Variants in SPTLC3 observed in about 807,000 individuals in gnomAD.
SPTLC3 encodes the protein serine palmitoyltransferase 3.
A neutral mutation model predicts 59.3 loss-of-function variants in SPTLC3; 36 were observed. The observed-to-expected ratio is 0.61, with a 90% confidence interval of 0.47 to 0.80. The LOEUF (loss-of-function observed/expected upper bound fraction) is 0.80. Ranked by LOEUF, SPTLC3 falls within the 30% of genes least tolerant of loss-of-function variation. SPTLC3 has a pLI of 0.00. For synonymous variants in SPTLC3, 257 were observed against 240.8 expected, an observed-to-expected ratio of 1.07 and a Z score of -0.62; for missense variants, 625 against 685.1, an observed-to-expected ratio of 0.91 and a Z score of 0.98.
chr20:13,103,485 T>C (rs755593444), intron 6 of SPTLC3, among the ~76,000 whole-genome samples: 12 of 152,186 alleles, frequency 7.9e-5, no homozygotes, highest in Admixed American at 2.0e-4. Flanking sequence ...TCCATCCATC[T>C]TTTCATTTAC....
At chr20:13,123,658 CT>C (rs1323155925) in intron 8 of SPTLC3, among the ~76,000 whole-genome samples, 3 of 152,198 alleles carry the variant, frequency 2.0e-5, no homozygotes, top group Non-Finnish European at 4.4e-5. Flanking sequence ...TTCTCCCTCT[CT>C]TCCCAATTGA....
At chr20:13,094,866 CAGACTT>C (rs1398909033) in intron 6 of SPTLC3, among the ~76,000 whole-genome samples, 2 of 152,166 alleles carry the variant, frequency 1.3e-5, no homozygotes, top group Non-Finnish European at 2.9e-5. Flanking sequence ...ATGGCCCCCT[CAGACTT>C]ATAGGGTGGC....
chr20:13,070,767 GA>G (rs1988406203), intron 2 of SPTLC3, among the ~76,000 whole-genome samples: 1 of 152,192 alleles, frequency 6.6e-6, no homozygotes, highest in African/African-American at 2.4e-5. Flanking sequence ...GAGGTAACCA[GA>G]AGCTATATGA....
At chr20:13,133,777 G>A (rs2038180916) in intron 9 of SPTLC3, among the ~76,000 whole-genome samples, 1 of 152,066 alleles carries the variant, frequency 6.6e-6, no homozygotes, top group Non-Finnish European at 1.5e-5. Context: ...TTACGTACAG[G>A]GATGGTCCAG....
chr20:13,164,058 C>T (rs1373979544), intron 11 of SPTLC3, among the ~76,000 whole-genome samples: 2 of 152,126 alleles, frequency 1.3e-5, no homozygotes, highest in Non-Finnish European at 2.9e-5. Flanking sequence ...TCCCCACTCC[C>T]CCCATCCCAC....
At chr20:13,022,489 G>A (rs914396437) in intron 1 of SPTLC3, among the ~76,000 whole-genome samples, 3 of 152,182 alleles carry the variant, frequency 2.0e-5, no homozygotes, top group Non-Finnish European at 2.9e-5. Flanking sequence ...CTGCTCCATG[G>A]TGTCTAGGGT....
chr20:13,129,564 A>T (rs1024333834), intron 9 of SPTLC3, among the ~76,000 whole-genome samples: 1 of 152,232 alleles, frequency 6.6e-6, no homozygotes, highest in African/African-American at 2.4e-5. Flanking sequence ...ACTAGGAAAA[A>T]GTTATTCTAG....
rs569419815 is a variant in SPTLC3 at position 13,129,672 on chromosome 20, C to T, written c.1279+2955C>T. Among the ~76,000 whole-genome samples the T allele has an allele frequency of 5.6e-4, 85 of 152,312 alleles. 1 individual carries two copies. Among genetic ancestry groups the T allele is most frequent in the African/African-American group, 2.0e-3 (82 of 41,574 alleles). ...GTTGCTTTACATGTATGCAACTTTG[C>T]AATCATGTCCTTCCCTCCTCCGATT... On this transcript the variant is annotated intron_variant, in intron 9 of 11. Coordinates refer to ENST00000399002, the MANE Select transcript of SPTLC3 (RefSeq NM_018327.4).
At position 13,093,533 on chromosome 20, in the gene SPTLC3, G is replaced by C. The variant is rs1406165687; in HGVS notation, c.782G>C (p.Gly261Ala). Residue 261 changes from glycine (G) to alanine (A), a missense_variant, in exon 6 of 12, where the codon GGG (glycine) becomes GCG (alanine). By Grantham distance (60) the Gly-to-Ala change is moderately conservative. Transcript: ENST00000399002. ...DELNHTSLVL[G>A]ARLSGATIRI... ...TTAAACCACACATCGCTTGTGCTTG[G>C]GGCCCGACTCTCAGGTGCAACCATA... 5 of 1,613,388 alleles carry C rather than the reference G, an allele frequency of 3.1e-6. No individual in the cohort carries two copies. The highest frequency in any genetic ancestry group is 1.7e-5 in the Admixed American group (1 of 59,958).
rs1390909822 is a variant in SPTLC3 at position 13,080,455 on chromosome 20, C to A, written c.607+5958C>A. Among the ~76,000 whole-genome samples the A allele has an allele frequency of 9.5e-5, 14 of 147,984 alleles. No homozygotes were observed. The South Asian group carries it at 3.0e-3, about 32-fold the overall frequency. On this transcript the variant is annotated intron_variant, in intron 4 of 11. Coordinates refer to ENST00000399002, the MANE Select transcript of SPTLC3 (RefSeq NM_018327.4). ...CCCGGGAGTCAGAGGTTGCAGTGAGCCGAGATTGCGCCACTGTACTCCAGC... is the reference window on the plus strand; with the variant it reads ...CCCGGGAGTCAGAGGTTGCAGTGAGACGAGATTGCGCCACTGTACTCCAGC...
chr20:13,051,369 T>C (rs997472140), intron 2 of SPTLC3, among the ~76,000 whole-genome samples: 11 of 152,220 alleles, frequency 7.2e-5, no homozygotes, highest in African/African-American at 2.7e-4. Flanking sequence ...TAAAAGGCCT[T>C]GTCCAACAGG....
At chr20:13,059,482 G>T (rs1182830458) in intron 2 of SPTLC3, among the ~76,000 whole-genome samples, 1 of 152,172 alleles carries the variant, frequency 6.6e-6, no homozygotes, top group East Asian at 1.9e-4. Context: ...GGTGCAGGCA[G>T]CGCCATCCCT....
intron 6 of SPTLC3, among the ~76,000 whole-genome samples, chr20:13,099,276 A>C (rs1372066738): frequency 6.6e-6 from 1 of 152,330 alleles, no homozygotes; most frequent in South Asian, 2.1e-4. Flanking sequence ...TAAGGAATGC[A>C]GGAAGCATTT....
At chr20:13,086,985 G>A (rs1989025102) in intron 4 of SPTLC3, among the ~76,000 whole-genome samples, 1 of 151,882 alleles carries the variant, frequency 6.6e-6, no homozygotes, top group South Asian at 2.1e-4. Context: ...TTTAGAGATG[G>A]GGTTCTCACT....
chr20:13,145,769 A>G (rs1306856669), intron 9 of SPTLC3, among the ~76,000 whole-genome samples: 2 of 152,228 alleles, frequency 1.3e-5, no homozygotes, highest in Non-Finnish European at 2.9e-5. Context: ...CCAAAACAGC[A>G]TGATACTGGT....
At chr20:13,084,308 G>A (rs1383583869) in intron 4 of SPTLC3, among the ~76,000 whole-genome samples, 1 of 152,148 alleles carries the variant, frequency 6.6e-6, no homozygotes, top group Non-Finnish European at 1.5e-5. Context: ...ATTGTCCTAT[G>A]ATGTTTATAA....
chr20:13,044,725 A>G (rs944062779), intron 1 of SPTLC3, among the ~76,000 whole-genome samples: 4 of 152,182 alleles, frequency 2.6e-5, no homozygotes, highest in Admixed American at 6.5e-5. Flanking sequence ...TTAATTTTCA[A>G]AAGTGACCTT....
intron 1 of SPTLC3, among the ~76,000 whole-genome samples, chr20:13,027,851 A>G (rs954281591): frequency 3.3e-5 from 5 of 152,204 alleles, no homozygotes; most frequent in Non-Finnish European, 5.9e-5. Flanking sequence ...CATATCAGAT[A>G]GCAAAATTTT....
intron 11 of SPTLC3, among the ~76,000 whole-genome samples, chr20:13,161,772 A>G (rs562844667): frequency 1.3e-5 from 2 of 152,374 alleles, no homozygotes; most frequent in East Asian, 1.9e-4. Flanking sequence ...TAATAAAAAA[A>G]TAAAAGAGTA....
Sources: gnomAD v4.1 joint callset for allele counts (sites outside exome capture counted in the v4.1 genomes callset) on GRCh38, gnomAD v4.1.1 for gene constraint, MANE v1.5 for transcripts, NCBI Gene and HGNC (gene_info 2026-07-23, HGNC 2026-07-21) for gene names.